The following TVP23A variants were observed in gnomAD, a reference collection of about 807,000 sequenced individuals.
TVP23A encodes the protein trans-golgi network vesicle protein 23 homolog A.
In TVP23A, 21 loss-of-function variants were observed where a neutral mutation model predicts 31.7. The observed-to-expected ratio is 0.66, with a 90% CI of 0.47 to 0.95. TVP23A has a LOEUF of 0.95. TVP23A is among the 40% of genes least tolerant of loss of function. TVP23A has a pLI of 0.00. For synonymous variants in TVP23A, 104 were observed against 96.0 expected (o/e 1.08, Z -0.49); for missense variants, 279 against 255.6 (o/e 1.09, Z -0.62).
At chr16:10,792,993 A>G (rs1395192422) in intron 2 of TVP23A, among the ~76,000 whole-genome samples, 3 of 152,148 alleles carry the variant, frequency 2.0e-5, no homozygotes, top group East Asian at 3.9e-4. Context: ...ATTTCTTTTT[A>G]AAGAGACATA....
Position 10,801,334 on chromosome 16 carries a change from A to G in TVP23A, c.89+16769T>C, listed in dbSNP as rs573955344. Among the ~76,000 whole-genome samples the G allele has an allele frequency of 7.3e-4, 111 of 152,326 alleles. 1 individual carries two copies. The highest frequency in any genetic ancestry group is 2.7e-3 in the African/African-American group (111 of 41,570). ...TATAATCAGGAGAAGCATCAGACAG[A>G]CCCAAATTAAAGTGTATTCCTCAAA... On this transcript the variant is annotated intron_variant, in intron 2 of 7. Transcript: ENST00000299866.
intron 2 of TVP23A, among the ~76,000 whole-genome samples, chr16:10,776,767 A>G (rs928923916): frequency 3.3e-5 from 5 of 152,116 alleles, no homozygotes; most frequent in Non-Finnish European, 7.4e-5. Flanking sequence ...TTTTATGGCT[A>G]TTTCTTGATG....
intron 2 of TVP23A, among the ~76,000 whole-genome samples, chr16:10,794,834 G>A (rs1241807434): frequency 6.6e-6 from 1 of 152,088 alleles, no homozygotes; most frequent in Admixed American, 6.6e-5. Flanking sequence ...CTGAGTGGCA[G>A]AATCAACAGG....
chr16:10,774,422 C>A lies in TVP23A; in HGVS notation c.235-294G>T, dbSNP rs188980753. ...AAGTGATATGGTTTGGCTGTCTCCC[C>A]ACCCAAACCTCATCTTGAATTGTCG... On this transcript the variant is annotated intron_variant, in intron 3 of 7. Transcript: ENST00000299866. Among the ~76,000 whole-genome samples, 31 of 152,142 alleles carry A rather than the reference C, an allele frequency of 2.0e-4. No individual in the cohort carries two copies. The East Asian group carries it at 5.6e-3, about 27-fold the overall frequency.
Position 10,799,561 on chromosome 16 carries a change from T to C in TVP23A, c.89+18542A>G, listed in dbSNP as rs368826104. ...GTTGGTCAGGCTGGTCTCAGACTCC[T>C]GACCTCAGGTGATCCTCTCATCTCT... On this transcript the variant is annotated intron_variant, in intron 2 of 7. Transcript: ENST00000299866. Among the ~76,000 whole-genome samples, 133 of 152,356 alleles carry C rather than the reference T, an allele frequency of 8.7e-4. 1 individual carries two copies. Among genetic ancestry groups the C allele is most frequent in the African/African-American group, 3.0e-3 (123 of 41,588 alleles).
At position 10,791,384 on chromosome 16, in the gene TVP23A, T is replaced by A. The variant is rs143199638; in HGVS notation, c.90-16288A>T. ...AGAAACTACTTAGGCAAATAGGGTA[T>A]GGGAGTACCAACTAAGGTTTTCCTT... On this transcript the variant is annotated intron_variant, in intron 2 of 7. Coordinates refer to ENST00000299866, the MANE Select transcript of TVP23A (RefSeq NM_001079512.4). Among the ~76,000 whole-genome samples the A allele has an allele frequency of 2.2e-4, 34 of 152,314 alleles. 1 individual carries two copies. In the East Asian group the frequency reaches 4.4e-3, roughly 20 times the overall value.
intron 2 of TVP23A, among the ~76,000 whole-genome samples, chr16:10,813,091 G>C (rs1170369606): frequency 6.6e-6 from 1 of 152,174 alleles, no homozygotes; most frequent in Non-Finnish European, 1.5e-5. Context: ...ACCAGGGACA[G>C]AAAGAGCAGA....
chr16:10,776,521 C>G (rs192772918), intron 2 of TVP23A, among the ~76,000 whole-genome samples: 79 of 152,276 alleles, frequency 5.2e-4, no homozygotes, highest in Admixed American at 1.9e-3. Context: ...TTAAATAGAG[C>G]ACACAGGTAG....
At chr16:10,800,273 G>T (rs999994227) in intron 2 of TVP23A, 13 of 152,040 alleles carry the variant, frequency 8.6e-5, no homozygotes, top group African/African-American at 3.1e-4. Flanking sequence ...AACTGGACAA[G>T]ATCTGAAGGC....
At chr16:10,757,939 C>G, downstream of TVP23A, 2 of 1,614,114 alleles carry the variant, frequency 1.2e-6, no homozygotes, top group Non-Finnish European at 1.7e-6. The surrounding 1 kb of genome is among the most constrained non-coding windows in gnomAD (Gnocchi z 4.1). Context: ...GTGGACACCC[C>G]ACCTGGGACG....
rs2034532009 is a variant in TVP23A, at chr16:10,818,297, AC to A, written c.10-116del. ...TGCACCCCACCGGGTTCCCAAGTGGACCCTCCGAGCTGGCGGGGCCCCTCCG... is the reference window on the plus strand; with the variant it reads ...TGCACCCCACCGGGTTCCCAAGTGGACCTCCGAGCTGGCGGGGCCCCTCCG... On this transcript the variant is annotated intron_variant, in intron 1 of 7. Coordinates refer to ENST00000299866, the MANE Select transcript of TVP23A (RefSeq NM_001079512.4). The surrounding 1 kb of genome is among the most constrained non-coding windows in gnomAD (Gnocchi z 4.7). 1.8e-6 allele frequency: 2 copies of A among 1,141,306 alleles called. No individual in the cohort carries two copies. The highest frequency in any genetic ancestry group is 2.7e-5 in the South Asian group (2 of 74,820). 70.7% of individuals were successfully genotyped at this position (1,141,306 alleles called of 1,614,324 possible). A position where few individuals can be genotyped will look rare whatever the true frequency, so the allele number is the denominator to read the frequency against.
chr16:10,779,193 A>T lies in TVP23A; in HGVS notation c.90-4097T>A, dbSNP rs1596510988. Among the ~76,000 whole-genome samples, 1 of 152,186 alleles carries T rather than the reference A, an allele frequency of 6.6e-6. No homozygotes were observed. Among genetic ancestry groups the T allele is most frequent in the South Asian group, 2.1e-4 (1 of 4,830 alleles). ...ATGGAAAGTGGTGTTACTCAAACAG[A>T]GTTCAAAGCCCAAAGCAAGTAGAAG... On this transcript the variant is annotated intron_variant, in intron 2 of 7. Coordinates refer to ENST00000299866, the MANE Select transcript of TVP23A (RefSeq NM_001079512.4). The surrounding 1 kb of genome is among the most constrained non-coding windows in gnomAD (Gnocchi z 4.9).
intron 6 of TVP23A, among the ~76,000 whole-genome samples, chr16:10,770,867 T>C (rs1387317604): frequency 3.7e-5 from 1 of 27,192 alleles, no homozygotes; most frequent in Non-Finnish European, 5.8e-5. Context: ...GACTCCCATC[T>C]CAAAAAAAAA....
chr16:10,806,794 A>G (rs2033967090), intron 2 of TVP23A, among the ~76,000 whole-genome samples: 1 of 152,172 alleles, frequency 6.6e-6, no homozygotes, highest in Non-Finnish European at 1.5e-5. Flanking sequence ...GAGCCACCAC[A>G]CCTGGCCCTT....
chr16:10,785,308 G>A (rs909794783), intron 2 of TVP23A, among the ~76,000 whole-genome samples: 1 of 151,944 alleles, frequency 6.6e-6, no homozygotes, highest in Non-Finnish European at 1.5e-5. Flanking sequence ...GGAGGCTGAG[G>A]CACGAGAATC....
chr16:10,768,152 C>A lies in TVP23A; in HGVS notation c.*950G>T. On this transcript the variant is annotated 3_prime_UTR_variant, in exon 8 of 8. Transcript: ENST00000299866. This position sits in a 1 kb window ranked among gnomAD's most constrained non-coding sequence, Gnocchi z 4.3. Reference sequence around the variant, plus strand: ...TCTGTGATGACCACAGAGTGGCCCCCATAGCCGAGGAAGCCAGGAGTCCAT... The same window carrying A: ...TCTGTGATGACCACAGAGTGGCCCCAATAGCCGAGGAAGCCAGGAGTCCAT... 2.5e-6 allele frequency: 2 copies of A among 813,240 alleles called. No individual in the cohort carries two copies. The highest frequency in any genetic ancestry group is 4.0e-6 in the Non-Finnish European group (2 of 499,512). The allele number at this position is 813,240 out of a possible 1,614,324, so 50.4% of individuals were successfully genotyped here.
chr16:10,757,439 C>G (rs1394991735), downstream of TVP23A, among the ~76,000 whole-genome samples: 1 of 152,126 alleles, frequency 6.6e-6, no homozygotes, highest in Admixed American at 6.6e-5. The surrounding 1 kb of genome is among the most constrained non-coding windows in gnomAD (Gnocchi z 4.1). Context: ...AAGCTTTAGC[C>G]TCAGCACTAT....
intron 2 of TVP23A, among the ~76,000 whole-genome samples, chr16:10,816,594 A>G (rs2034448924): frequency 1.3e-5 from 2 of 152,172 alleles, no homozygotes; most frequent in Admixed American, 1.3e-4. Context: ...TTGGCCTCCC[A>G]AAGTGCTGAG....
At chr16:10,817,060 C>A (rs1216747078) in intron 2 of TVP23A, among the ~76,000 whole-genome samples, 3 of 151,982 alleles carry the variant, frequency 2.0e-5, no homozygotes, top group Non-Finnish European at 4.4e-5. Flanking sequence ...CCAGCAGTCA[C>A]CAAAAGCTGG....
Sources: allele counts gnomAD v4.1 joint callset (sites outside exome capture counted in the v4.1 genomes callset), GRCh38; gene constraint gnomAD v4.1.1; non-coding constraint Gnocchi (gnomAD v3.1); transcripts MANE v1.5; gene names NCBI Gene and HGNC (gene_info 2026-07-23, HGNC 2026-07-21).